LOC400499: variants seen among roughly 807,000 people sequenced by gnomAD.
the LOC400499 span, chr16:11,435,964 C>A: frequency 2.5e-6 from 1 of 398,300 alleles, no homozygotes; most frequent in Non-Finnish European, 4.4e-6. Context: ...TGAAGCCCTC[C>A]TGAGCCACTC....
At chr16:11,505,274 T>A in the LOC400499 span, among the ~76,000 whole-genome samples, 1 of 152,032 alleles carries the variant, frequency 6.6e-6, no homozygotes, top group Admixed American at 6.6e-5. Context: ...GAAATGCACC[T>A]TAGCACGTCA....
the LOC400499 span, chr16:11,407,108 C>G: frequency 1.3e-5 from 5 of 396,824 alleles, no homozygotes; most frequent in Non-Finnish European, 2.2e-5. Context: ...GCCCAGGAAC[C>G]GGGACACTAG....
chr16:11,505,806 T>C, the LOC400499 span, among the ~76,000 whole-genome samples: 49 of 152,248 alleles, frequency 3.2e-4, no homozygotes, highest in African/African-American at 1.0e-3. Flanking sequence ...GTGAAATAAT[T>C]TGATACATTC....
At chr16:11,378,438 A>G in the LOC400499 span, among the ~76,000 whole-genome samples, 1 of 151,718 alleles carries the variant, frequency 6.6e-6, no homozygotes, top group African/African-American at 2.4e-5. Context: ...TAAATTTTAT[A>G]ATTTTAGTAG....
the LOC400499 span, among the ~76,000 whole-genome samples, chr16:11,426,397 T>C: frequency 5.9e-5 from 9 of 152,052 alleles, no homozygotes; most frequent in Non-Finnish European, 1.0e-4. Context: ...GAGCAGAGAT[T>C]GCACCACTGC....
the LOC400499 span, among the ~76,000 whole-genome samples, chr16:11,429,675 T>G: frequency 6.6e-6 from 1 of 152,100 alleles, no homozygotes; most frequent in Non-Finnish European, 1.5e-5. Flanking sequence ...GGTTTCACCA[T>G]GTTGGCCAGG....
the LOC400499 span, among the ~76,000 whole-genome samples, chr16:11,464,312 G>T: frequency 6.6e-6 from 1 of 152,358 alleles, no homozygotes; most frequent in South Asian, 2.1e-4. Context: ...TCGAGCGATG[G>T]CTTTCTCCAG....
the LOC400499 span, among the ~76,000 whole-genome samples, chr16:11,504,012 C>T: frequency 3.9e-5 from 6 of 152,316 alleles, no homozygotes; most frequent in Middle Eastern, 3.4e-3. Flanking sequence ...ACCCTGGGTT[C>T]GGAAGACGTG....
chr16:11,488,583 C>T, the LOC400499 span: 1 of 388,528 alleles, frequency 2.6e-6, no homozygotes, highest in African/African-American at 2.1e-5. Context: ...CCACACCCAA[C>T]TGACATGTAA....
the LOC400499 span, among the ~76,000 whole-genome samples, chr16:11,403,267 G>A: frequency 6.6e-6 from 1 of 152,190 alleles, no homozygotes. Flanking sequence ...GGTTCTCAGG[G>A]CATCACCCAG....
chr16:11,490,358 T>G, the LOC400499 span, among the ~76,000 whole-genome samples: 6 of 143,624 alleles, frequency 4.2e-5, no homozygotes, highest in African/African-American at 1.6e-4. Context: ...ACTGTGCCAT[T>G]GCACTCCAGC....
the LOC400499 span, chr16:11,460,813 G>A: frequency 5.1e-6 from 6 of 1,187,332 alleles, no homozygotes; most frequent in South Asian, 8.2e-5. Context: ...TTTTTAATGG[G>A]CAGGTATTCA....
chr16:11,502,807 G>A, the LOC400499 span, among the ~76,000 whole-genome samples: 3 of 151,076 alleles, frequency 2.0e-5, no homozygotes, highest in Admixed American at 2.0e-4. Flanking sequence ...GTAGAGAAGA[G>A]GTTTCACCAT....
the LOC400499 span, among the ~76,000 whole-genome samples, chr16:11,445,729 A>G: frequency 3.3e-5 from 5 of 152,210 alleles, no homozygotes; most frequent in Admixed American, 2.0e-4. Context: ...GTTTGAGAGC[A>G]TGCGGGTGGC....
chr16:11,422,233 T>C, the LOC400499 span, among the ~76,000 whole-genome samples: 1 of 152,014 alleles, frequency 6.6e-6, no homozygotes, highest in African/African-American at 2.4e-5. Context: ...AAACCCTGTC[T>C]ATACTAAAAA....
the LOC400499 span, among the ~76,000 whole-genome samples, chr16:11,506,400 T>A: frequency 0.013 from 1,955 of 152,330 alleles, 48 homozygotes; most frequent in African/African-American, 0.045. Context: ...CCCACTCTTG[T>A]GAGCCAGTAT....
chr16:11,405,272 C>T, the LOC400499 span, among the ~76,000 whole-genome samples: 4 of 152,216 alleles, frequency 2.6e-5, no homozygotes, highest in South Asian at 6.2e-4. Context: ...AGGAGGCACG[C>T]AGTTGGTATT....
the LOC400499 span, among the ~76,000 whole-genome samples, chr16:11,448,550 AC>A: frequency 0.57 from 83,358 of 147,100 alleles, 26,451 homozygotes; most frequent in Non-Finnish European, 0.73. Context: ...AAACAAACAA[AC>A]AAACAAACAA....
the LOC400499 span, among the ~76,000 whole-genome samples, chr16:11,428,381 C>T: frequency 1.3e-5 from 2 of 152,224 alleles, no homozygotes; most frequent in African/African-American, 4.8e-5. Flanking sequence ...ACCATGTTGG[C>T]CAGGCTAGTC....
Sources: gnomAD v4.1 joint callset for allele counts (sites outside exome capture counted in the v4.1 genomes callset) on GRCh38, gnomAD v4.1.1 for gene constraint, MANE v1.5 for transcripts.